The following MCUB variants were observed in gnomAD, a reference collection of about 807,000 sequenced individuals.
MCUB encodes calcium uniporter regulatory subunit MCUb, mitochondrial.
In MCUB, 46 loss-of-function variants were observed where a neutral mutation model predicts 41.4. The observed-to-expected ratio is 1.11, with a 90% CI of 0.88 to 1.42. MCUB has a LOEUF of 1.42. MCUB is among the 40% of genes most tolerant of loss of function. The pLI, the probability that MCUB is intolerant of heterozygous loss-of-function variation, is 0.00. For synonymous variants in MCUB, 148 were observed against 148.2 expected, an observed-to-expected ratio of 1.00 and a Z score of 0.01; for missense variants, 403 against 404.9, an observed-to-expected ratio of 1.00 and a Z score of 0.04.
Position 109,633,331 on chromosome 4 carries a change from G to A in MCUB, c.100-25680G>A, listed in dbSNP as rs556620655. On this transcript the variant is annotated intron_variant, in intron 1 of 7. Coordinates refer to ENST00000394650, the MANE Select transcript of MCUB (RefSeq NM_017918.5). Reference sequence around the variant, plus strand: ...CGCCCGGGCTGGAGTGCAGTGGCGCGATCTCGGCTCACTGTAAGCTCCGCC... The same window carrying A: ...CGCCCGGGCTGGAGTGCAGTGGCGCAATCTCGGCTCACTGTAAGCTCCGCC... 5.9e-5 allele frequency among the ~76,000 whole-genome samples: 9 copies of A among 151,926 alleles called. No homozygotes were observed. In the South Asian group the frequency reaches 1.9e-3, roughly 32 times the overall value.
chr4:109,587,296 T>C (rs917393372), intron 1 of MCUB, among the ~76,000 whole-genome samples: 4 of 152,206 alleles, frequency 2.6e-5, no homozygotes, highest in African/African-American at 9.7e-5. Flanking sequence ...TGGTGTGCCA[T>C]TTGCTAAGAC....
At chr4:109,678,821 G>A (rs1364813171) in intron 4 of MCUB, among the ~76,000 whole-genome samples, 6 of 147,826 alleles carry the variant, frequency 4.1e-5, no homozygotes, top group Admixed American at 3.4e-4. Context: ...ATTCCCAGAC[G>A]GGGCAGCTGG....
At chr4:109,642,700 CTACTTGA>C (rs1381321533) in intron 1 of MCUB, among the ~76,000 whole-genome samples, 1 of 151,908 alleles carries the variant, frequency 6.6e-6, no homozygotes, top group Non-Finnish European at 1.5e-5. Flanking sequence ...GCTATATTTT[CTACTTGA>C]TACTTGACAT....
chr4:109,566,019 T>C (rs1726767052), intron 1 of MCUB, among the ~76,000 whole-genome samples: 1 of 151,718 alleles, frequency 6.6e-6, no homozygotes, highest in Non-Finnish European at 1.5e-5. Context: ...ATTTTTTGTG[T>C]TTTGTTTGTT....
chr4:109,591,650 A>G (rs756836617), intron 1 of MCUB, among the ~76,000 whole-genome samples: 19 of 152,204 alleles, frequency 1.2e-4, no homozygotes, highest in Non-Finnish European at 2.1e-4. Flanking sequence ...ATCAATAACT[A>G]GAGAGAGAAT....
intron 4 of MCUB, among the ~76,000 whole-genome samples, chr4:109,665,229 CTTG>C (rs1729317341): frequency 6.6e-6 from 1 of 152,118 alleles, no homozygotes; most frequent in Admixed American, 6.5e-5. Context: ...AAATAATCAT[CTTG>C]TTTTTATTAA....
At chr4:109,565,955 A>C (rs1169027371) in intron 1 of MCUB, among the ~76,000 whole-genome samples, 2 of 149,652 alleles carry the variant, frequency 1.3e-5, no homozygotes, top group Admixed American at 6.7e-5. Flanking sequence ...CTCCCACCTC[A>C]CCCTCCGAAA....
chr4:109,585,775 C>T (rs1727292038), intron 1 of MCUB, among the ~76,000 whole-genome samples: 2 of 152,188 alleles, frequency 1.3e-5, no homozygotes, highest in Admixed American at 6.5e-5. Context: ...TGAATATTGG[C>T]CCCCACTGTT....
chr4:109,587,452 T>A (rs555504200), intron 1 of MCUB, among the ~76,000 whole-genome samples: 4 of 152,328 alleles, frequency 2.6e-5, no homozygotes, highest in Admixed American at 2.6e-4. Flanking sequence ...CGGCTTGGCC[T>A]CCATGGGCTG....
intron 1 of MCUB, among the ~76,000 whole-genome samples, chr4:109,567,315 A>C (rs1323480927): frequency 6.6e-6 from 1 of 152,118 alleles, no homozygotes; most frequent in Non-Finnish European, 1.5e-5. Context: ...GTGCTGAGGA[A>C]GGAAGACTTA....
At chr4:109,645,114 T>G (rs1163937722) in intron 1 of MCUB, among the ~76,000 whole-genome samples, 1 of 152,194 alleles carries the variant, frequency 6.6e-6, no homozygotes, top group Non-Finnish European at 1.5e-5. Context: ...AACTGAGCTC[T>G]TTCTTATTCC....
In MCUB at chr4:109,679,241, G is replaced by A. The variant is rs576481665; in HGVS notation, c.452-3341G>A. 1.8e-3 allele frequency among the ~76,000 whole-genome samples: 270 copies of A among 152,334 alleles called. 1 individual carries two copies. The highest frequency in any genetic ancestry group is 5.9e-3 in the African/African-American group (246 of 41,576). On this transcript the variant is annotated intron_variant, in intron 4 of 7. Transcript: ENST00000394650. ...CAGAGACACTCCTTACTTCCTAGAC[G>A]GGGTGGCGGCCAGGCAGAGGCTGTA...
rs139241454 is a variant in MCUB, at chr4:109,617,183, G to A, written c.100-41828G>A. ...TGCCTCAACTCTGGCACAGATGCTTGCACAATTGGCCTGTTGGCTGTTATA... is the reference window on the plus strand; with the variant it reads ...TGCCTCAACTCTGGCACAGATGCTTACACAATTGGCCTGTTGGCTGTTATA... On this transcript the variant is annotated intron_variant, in intron 1 of 7. Coordinates refer to ENST00000394650, the MANE Select transcript of MCUB (RefSeq NM_017918.5). Among the ~76,000 whole-genome samples, 12 of 152,308 alleles carry A rather than the reference G, an allele frequency of 7.9e-5. No individual in the cohort carries two copies. The East Asian group carries it at 2.3e-3, about 29-fold the overall frequency.
intron 1 of MCUB, among the ~76,000 whole-genome samples, chr4:109,581,699 C>G (rs1039037836): frequency 6.6e-6 from 1 of 151,996 alleles, no homozygotes; most frequent in African/African-American, 2.4e-5. Context: ...AAAAACAACC[C>G]CATCAAAAAG....
intron 4 of MCUB, among the ~76,000 whole-genome samples, chr4:109,668,782 C>G (rs1341333487): frequency 6.6e-6 from 1 of 150,398 alleles, no homozygotes; most frequent in Non-Finnish European, 1.5e-5. Context: ...TTCATTTTCT[C>G]TCCTTTTCCA....
At chr4:109,604,108 C>T (rs1561224498) in intron 1 of MCUB, among the ~76,000 whole-genome samples, 2 of 151,930 alleles carry the variant, frequency 1.3e-5, no homozygotes, top group South Asian at 2.1e-4. Flanking sequence ...CTCTCTGAAA[C>T]ATGTGCTGTG....
At chr4:109,631,992 C>A (rs911435772) in intron 1 of MCUB, among the ~76,000 whole-genome samples, 1 of 152,178 alleles carries the variant, frequency 6.6e-6, no homozygotes, top group Non-Finnish European at 1.5e-5. Flanking sequence ...CCACCTCTGG[C>A]TCTTTGGCGC....
chr4:109,674,442 A>C (rs1326948943), intron 4 of MCUB, among the ~76,000 whole-genome samples: 3 of 152,236 alleles, frequency 2.0e-5, no homozygotes, highest in Non-Finnish European at 4.4e-5. Context: ...GCCAATCCTG[A>C]AGGTACTCCC....
In MCUB at chr4:109,566,221, G is replaced by A. The variant is rs542948340; in HGVS notation, c.99+5785G>A. The stretch of plus-strand genomic sequence containing the variant: ...ACAGTGGCTCACGCCTGTAATTCCA[G>A]CACTTTGGGAGGCCAAGGTGGGCAG... On this transcript the variant is annotated intron_variant, in intron 1 of 7. Transcript: ENST00000394650. Among the ~76,000 whole-genome samples, 11 of 150,900 alleles carry A rather than the reference G, an allele frequency of 7.3e-5. No homozygotes were observed. The East Asian group carries it at 2.2e-3, about 30-fold the overall frequency.
Sources: allele counts gnomAD v4.1 joint callset (sites outside exome capture counted in the v4.1 genomes callset), GRCh38; gene constraint gnomAD v4.1.1; transcripts MANE v1.5; gene names NCBI Gene and HGNC (gene_info 2026-07-23, HGNC 2026-07-21).